Variants in ADAMTS6 observed in about 807,000 individuals in gnomAD.
ADAMTS6 encodes the protein ADAM metallopeptidase with thrombospondin type 1 motif 6.
Under a neutral mutation model 144.3 loss-of-function variants are expected in ADAMTS6, and 23 were observed. The ratio of observed to expected loss-of-function variants is 0.16; its 90% confidence interval spans 0.11 to 0.23. ADAMTS6 has a LOEUF of 0.23. ADAMTS6 is among the 10% of genes least tolerant of loss of function. ADAMTS6 has a pLI of 1.00. For synonymous variants in ADAMTS6, 444 were observed against 457.5 expected (o/e 0.97, Z 0.38); for missense variants, 999 against 1,379.6 (o/e 0.72, Z 4.37).
chr5:65,245,671 A>G (rs993278298), intron 14 of ADAMTS6, among the ~76,000 whole-genome samples: 1 of 152,146 alleles, frequency 6.6e-6, no homozygotes, highest in Non-Finnish European at 1.5e-5. Flanking sequence ...GTTTCCACAT[A>G]ATATTTTTTC....
chr5:65,370,467 C>T (rs183900976), intron 7 of ADAMTS6, among the ~76,000 whole-genome samples: 72 of 152,254 alleles, frequency 4.7e-4, no homozygotes, highest in African/African-American at 1.5e-3. Context: ...ACCTGGGAAG[C>T]GCAAGGGGTC....
chr5:65,467,962 A>G (rs1760148706), intron 3 of ADAMTS6, among the ~76,000 whole-genome samples: 1 of 152,156 alleles, frequency 6.6e-6, no homozygotes. Flanking sequence ...CAAGCAATAG[A>G]TAAAAGGACT....
chr5:65,225,896 A>G (rs1245703288), intron 16 of ADAMTS6, among the ~76,000 whole-genome samples, 190 bp downstream of exon 16: 1 of 152,200 alleles, frequency 6.6e-6, no homozygotes, highest in African/African-American at 2.4e-5. Flanking sequence ...AATAAAGTAC[A>G]TTTGTATGGT....
intron 21 of ADAMTS6, among the ~76,000 whole-genome samples, chr5:65,190,116 T>C (rs931023385): frequency 5.9e-5 from 9 of 152,234 alleles, no homozygotes; most frequent in Non-Finnish European, 1.3e-4. Flanking sequence ...TTATTCGTAT[T>C]GTCTTTACTT....
intron 24 of ADAMTS6, among the ~76,000 whole-genome samples, chr5:65,170,066 CAGAA>C (rs1005916054): frequency 2.0e-5 from 3 of 152,156 alleles, no homozygotes; most frequent in Non-Finnish European, 2.9e-5. Context: ...AAAAACAAAA[CAGAA>C]AGAGAAATTC....
At chr5:65,287,656 G>A (rs1231514696) in intron 11 of ADAMTS6, among the ~76,000 whole-genome samples, 7 of 152,016 alleles carry the variant, frequency 4.6e-5, no homozygotes, top group Non-Finnish European at 8.8e-5. Context: ...TCAGCCTCCC[G>A]AGTAGCTGGG....
intron 7 of ADAMTS6, among the ~76,000 whole-genome samples, chr5:65,376,004 T>G (rs75999160): frequency 2.6e-5 from 4 of 151,680 alleles, no homozygotes; most frequent in African/African-American, 9.7e-5. Context: ...AGTAAACTAT[T>G]GCAAGAACAA....
chr5:65,471,379 T>C (rs1471038697), intron 2 of ADAMTS6, among the ~76,000 whole-genome samples: 1 of 152,194 alleles, frequency 6.6e-6, no homozygotes, highest in Non-Finnish European at 1.5e-5. Context: ...ATTTTACTTT[T>C]TTAATTTTTA....
At chr5:65,184,480 A>G (rs1052639514) in intron 22 of ADAMTS6, among the ~76,000 whole-genome samples, 1 of 152,226 alleles carries the variant, frequency 6.6e-6, no homozygotes, top group Non-Finnish European at 1.5e-5. Context: ...CGTACTATAA[A>G]GTCAGTTGAG....
chr5:65,216,511 C>T (rs796287315), intron 18 of ADAMTS6, among the ~76,000 whole-genome samples: 13 of 151,762 alleles, frequency 8.6e-5, no homozygotes, highest in Admixed American at 2.0e-4. Context: ...ATGTTTCAAA[C>T]GCCACTTAAT....
chr5:65,288,009 T>C (rs1166328007), intron 11 of ADAMTS6, among the ~76,000 whole-genome samples: 2 of 152,336 alleles, frequency 1.3e-5, no homozygotes, highest in East Asian at 3.9e-4. Flanking sequence ...TCACAACTTC[T>C]ATAGGAATTT....
At chr5:65,374,597 A>G (rs1311035286) in intron 7 of ADAMTS6, among the ~76,000 whole-genome samples, 1 of 152,140 alleles carries the variant, frequency 6.6e-6, no homozygotes, top group Non-Finnish European at 1.5e-5. Context: ...CCACTGCTCA[A>G]GGAAATAAAA....
intron 20 of ADAMTS6, among the ~76,000 whole-genome samples, chr5:65,206,834 TCTCTCACACACA>T (rs971664376): frequency 3.7e-5 from 4 of 108,382 alleles, no homozygotes; most frequent in African/African-American, 1.7e-4. Flanking sequence ...TCTCTCTCTC[TCTCTCACACACA>T]CACACACACA....
At chr5:65,210,464 A>AAG (rs1213905037) in intron 20 of ADAMTS6, 1 of 215,786 alleles carries the variant, frequency 4.6e-6, no homozygotes, top group African/African-American at 2.4e-5. Flanking sequence ...AAAAAAAAAA[A>AAG]AAAAAAGATC....
intron 9 of ADAMTS6, among the ~76,000 whole-genome samples, chr5:65,316,702 AAAG>A (rs1196607935): frequency 7.2e-5 from 11 of 152,350 alleles, no homozygotes; most frequent in Admixed American, 2.6e-4. Context: ...TTAACAAGAC[AAAG>A]AAGATTTCAG....
chr5:65,270,410 C>G (rs1761963331), intron 12 of ADAMTS6, among the ~76,000 whole-genome samples: 1 of 152,116 alleles, frequency 6.6e-6, no homozygotes. Context: ...ATGGTCAATA[C>G]AGTTAGTAAA....
intron 7 of ADAMTS6, among the ~76,000 whole-genome samples, chr5:65,383,473 A>C (rs558948116): frequency 6.6e-6 from 1 of 152,336 alleles, no homozygotes; most frequent in South Asian, 2.1e-4. Context: ...AAAACCCAAC[A>C]GGGCAAACAA....
intron 24 of ADAMTS6, among the ~76,000 whole-genome samples, chr5:65,159,962 A>T (rs1278634916): frequency 4.6e-5 from 7 of 152,224 alleles, no homozygotes; most frequent in Non-Finnish European, 7.3e-5. Flanking sequence ...TAGATGGTGG[A>T]TGTTCACTGT....
intron 15 of ADAMTS6, among the ~76,000 whole-genome samples, chr5:65,237,387 CAAAAAAAA>C (rs371275883): frequency 1.3e-5 from 1 of 77,248 alleles, no homozygotes; most frequent in Non-Finnish European, 2.6e-5. Context: ...GACCTTGTCT[CAAAAAAAA>C]AAAAAAAAAA....
Sources: allele counts gnomAD v4.1 joint callset (sites outside exome capture counted in the v4.1 genomes callset), GRCh38; gene constraint gnomAD v4.1.1; transcripts MANE v1.5; gene names NCBI Gene and HGNC (gene_info 2026-07-23, HGNC 2026-07-21).